Variants in FGGY observed in about 807,000 individuals in gnomAD.
FGGY encodes FGGY carbohydrate kinase domain containing.
A neutral mutation model predicts 71.3 loss-of-function variants in FGGY; 72 were observed. That is an observed-to-expected ratio of 1.01 (90% CI 0.84 to 1.23). The LOEUF (loss-of-function observed/expected upper bound fraction) is 1.23, where lower values mean the gene tolerates loss of function less well. Among genes scored for constraint, FGGY ranks in the 50% most tolerant of loss-of-function variants. The probability of loss-of-function intolerance (pLI) is 0.00; values close to 1 mark genes in which losing one functional copy is unlikely to be tolerated. For synonymous variants in FGGY, 251 were observed against 250.3 expected, an observed-to-expected ratio of 1.00 and a Z score of -0.02; for missense variants, 668 against 682.3, an observed-to-expected ratio of 0.98 and a Z score of 0.23.
chr1:59,324,653 A>T (rs1252425919), intron 2 of FGGY, among the ~76,000 whole-genome samples: 9 of 152,318 alleles, frequency 5.9e-5, no homozygotes, highest in African/African-American at 2.2e-4. Context: ...GAAGAGGTTC[A>T]GTAAGCAGCC....
At chr1:59,354,427 A>G (rs1486736858) in intron 4 of FGGY, among the ~76,000 whole-genome samples, 1 of 152,200 alleles carries the variant, frequency 6.6e-6, no homozygotes, top group African/African-American at 2.4e-5. Flanking sequence ...GACTTTAAGC[A>G]ACTTGCCCAA....
chr1:59,594,265 A>G (rs1053609835), intron 8 of FGGY, among the ~76,000 whole-genome samples: 1 of 152,216 alleles, frequency 6.6e-6, no homozygotes, highest in African/African-American at 2.4e-5. Context: ...GAACTCAGAA[A>G]CATGTAGATT....
At chr1:59,373,485 G>A (rs1179061215) in intron 4 of FGGY, among the ~76,000 whole-genome samples, 1 of 152,080 alleles carries the variant, frequency 6.6e-6, no homozygotes, top group Admixed American at 6.6e-5. Flanking sequence ...TACTGCCCAA[G>A]GTAATTTATA....
At chr1:59,407,523 C>T (rs2062942476) in intron 5 of FGGY, among the ~76,000 whole-genome samples, 1 of 152,030 alleles carries the variant, frequency 6.6e-6, no homozygotes, top group Admixed American at 6.6e-5. Context: ...GAATATGATT[C>T]CCTTGAACCT....
intron 5 of FGGY, among the ~76,000 whole-genome samples, chr1:59,430,524 G>A (rs985883410): frequency 2.6e-5 from 4 of 152,020 alleles, no homozygotes; most frequent in Admixed American, 2.6e-4. Context: ...ATTTTTTTAG[G>A]AGCAGTCTGT....
chr1:59,436,679 C>T (rs750715754), intron 5 of FGGY, among the ~76,000 whole-genome samples: 16 of 152,204 alleles, frequency 1.1e-4, no homozygotes, highest in Non-Finnish European at 2.1e-4. Flanking sequence ...AAATTTCACA[C>T]AGGATAGGAT....
At chr1:59,619,836 G>A (rs545692448) in intron 9 of FGGY, among the ~76,000 whole-genome samples, 26 of 152,170 alleles carry the variant, frequency 1.7e-4, no homozygotes, top group African/African-American at 6.0e-4. Flanking sequence ...AGTAGGGGGA[G>A]GGAAGCACAG....
chr1:59,683,480 C>A (rs959803306), intron 14 of FGGY, among the ~76,000 whole-genome samples: 3 of 152,184 alleles, frequency 2.0e-5, no homozygotes, highest in African/African-American at 7.2e-5. Context: ...TAAAACCCAG[C>A]TCCCCCCAAA....
chr1:59,307,339 T>C (rs961058297), intron 1 of FGGY, among the ~76,000 whole-genome samples: 1 of 127,016 alleles, frequency 7.9e-6, no homozygotes, highest in Non-Finnish European at 1.6e-5. Flanking sequence ...AAAAAAAAAA[T>C]CGAGTGATTT....
At chr1:59,625,907 T>C in intron 9 of FGGY, 81 bp from the exon 10 acceptor site, 2 of 1,055,418 alleles carry the variant, frequency 1.9e-6, no homozygotes, top group South Asian at 1.9e-5. Context: ...AAGAAACATA[T>C]ACTCATTTTA....
At chr1:59,307,908 C>T (rs1197463479) in intron 1 of FGGY, among the ~76,000 whole-genome samples, 1 of 152,122 alleles carries the variant, frequency 6.6e-6, no homozygotes, top group Non-Finnish European at 1.5e-5. Context: ...TTGTTCCTAT[C>T]AAGAACAACT....
At chr1:59,570,222 A>G (rs1453760904) in intron 8 of FGGY, among the ~76,000 whole-genome samples, 1 of 152,192 alleles carries the variant, frequency 6.6e-6, no homozygotes, top group African/African-American at 2.4e-5. Flanking sequence ...TCTAATGGAA[A>G]ACTTTCAAAA....
At chr1:59,373,582 A>G (rs2058099456) in intron 4 of FGGY, among the ~76,000 whole-genome samples, 1 of 152,198 alleles carries the variant, frequency 6.6e-6, no homozygotes, top group Non-Finnish European at 1.5e-5. Flanking sequence ...GAACCAAAAA[A>G]GAGCCCGCAT....
intron 5 of FGGY, among the ~76,000 whole-genome samples, chr1:59,441,096 A>T (rs573418080): frequency 4.7e-4 from 71 of 152,254 alleles, no homozygotes; most frequent in Admixed American, 7.2e-4. Context: ...ATGTACCCAC[A>T]TTTAAAACTT....
chr1:59,530,562 G>A (rs1420559008), intron 7 of FGGY, among the ~76,000 whole-genome samples: 10 of 152,176 alleles, frequency 6.6e-5, no homozygotes, highest in Admixed American at 3.9e-4. Flanking sequence ...ACCTGAGCAA[G>A]TTAGTAAAAT....
chr1:59,471,700 T>C (rs1373849857), intron 6 of FGGY, among the ~76,000 whole-genome samples: 2 of 152,236 alleles, frequency 1.3e-5, no homozygotes, highest in African/African-American at 4.8e-5. Context: ...GTCTCCTGTG[T>C]GCCAGGTGCT....
chr1:59,627,841 C>T (rs1482888085), intron 10 of FGGY, among the ~76,000 whole-genome samples: 1 of 151,994 alleles, frequency 6.6e-6, no homozygotes, highest in African/African-American at 2.4e-5. Flanking sequence ...ATAAAATAAA[C>T]AGTAATAGCG....
At chr1:59,576,100 A>G (rs1326413882) in intron 8 of FGGY, among the ~76,000 whole-genome samples, 5 of 152,168 alleles carry the variant, frequency 3.3e-5, no homozygotes, top group Admixed American at 6.5e-5. Context: ...ACATGCACAC[A>G]TATGTTTATT....
At chr1:59,340,271 G>A (rs1168367261) in intron 3 of FGGY, among the ~76,000 whole-genome samples, 1 of 152,170 alleles carries the variant, frequency 6.6e-6, no homozygotes, top group Non-Finnish European at 1.5e-5. Context: ...CGCTGGATTA[G>A]GGGGACTAGG....
Sources: gnomAD v4.1 joint callset for allele counts (sites outside exome capture counted in the v4.1 genomes callset) on GRCh38, gnomAD v4.1.1 for gene constraint, MANE v1.5 for transcripts, NCBI Gene and HGNC (gene_info 2026-07-23, HGNC 2026-07-21) for gene names.